The following KCNIP1 variants were observed in gnomAD, a reference collection of about 807,000 sequenced individuals.
KCNIP1 encodes A-type potassium channel modulatory protein KCNIP1.
Under a neutral mutation model 33.0 loss-of-function variants are expected in KCNIP1, and 18 were observed. That is an observed-to-expected ratio of 0.55 (90% CI 0.38 to 0.81). The LOEUF is 0.81. Ranked by LOEUF, KCNIP1 falls within the 30% of genes least tolerant of loss-of-function variation. The pLI is 0.00. For missense variants in KCNIP1, 238 were observed against 271.6 expected, an observed-to-expected ratio of 0.88 and a Z score of 0.87; for synonymous variants, 93 against 98.3, an observed-to-expected ratio of 0.95 and a Z score of 0.32.
chr5:170,706,886 T>C (rs951305234), intron 1 of KCNIP1, among the ~76,000 whole-genome samples: 10 of 152,096 alleles, frequency 6.6e-5, no homozygotes, highest in African/African-American at 2.4e-4. Context: ...CGCAGAAATA[T>C]TGTAGACCCA....
At chr5:170,441,119 T>C (rs997329982) in intron 1 of KCNIP1, among the ~76,000 whole-genome samples, 1 of 152,234 alleles carries the variant, frequency 6.6e-6, no homozygotes, top group African/African-American at 2.4e-5. Flanking sequence ...TTAGTTCCTA[T>C]AACTAAACTT....
At position 170,588,276 on chromosome 5, in the gene KCNIP1, G is replaced by A. The variant is rs144553502; in HGVS notation, c.61+83643G>A. 5.9e-3 allele frequency among the ~76,000 whole-genome samples: 901 copies of A among 152,274 alleles called. 12 individuals are homozygous for A. Among genetic ancestry groups the A allele is most frequent in the Admixed American group, 0.033 (506 of 15,292 alleles). On this transcript the variant is annotated intron_variant, in intron 1 of 7. Transcript: ENST00000328939. The stretch of plus-strand genomic sequence containing the variant: ...AGATGAGGGACCGAGGCACAGAGAG[G>A]TGCAGTCAGTCACCTGAGGCCACAC...
intron 1 of KCNIP1, among the ~76,000 whole-genome samples, chr5:170,656,611 T>C (rs1256407674): frequency 1.3e-5 from 2 of 151,878 alleles, no homozygotes; most frequent in African/African-American, 4.8e-5. Flanking sequence ...AATCTAGAGG[T>C]CATGGGAGCC....
At chr5:170,639,558 G>T (rs1760451651) in intron 1 of KCNIP1, 1 of 152,226 alleles carries the variant, frequency 6.6e-6, no homozygotes. Context: ...TTCATAGAAT[G>T]GAGATGACCA....
intron 1 of KCNIP1, among the ~76,000 whole-genome samples, chr5:170,506,115 TG>T (rs1258350825): frequency 1.3e-5 from 2 of 152,134 alleles, no homozygotes; most frequent in African/African-American, 4.8e-5. Flanking sequence ...CAGGGGACTG[TG>T]GGGACAGGAA....
At chr5:170,595,425 C>T (rs2113565090) in intron 1 of KCNIP1, among the ~76,000 whole-genome samples, 1 of 152,328 alleles carries the variant, frequency 6.6e-6, no homozygotes, top group East Asian at 1.9e-4. Context: ...GAGAAGCCTG[C>T]ATGGGCAGCC....
At chr5:170,614,652 C>A (rs1324818063) in intron 1 of KCNIP1, among the ~76,000 whole-genome samples, 2 of 152,212 alleles carry the variant, frequency 1.3e-5, no homozygotes, top group African/African-American at 4.8e-5. Flanking sequence ...CTTCAGATAA[C>A]CATTTTCTGC....
intron 1 of KCNIP1, among the ~76,000 whole-genome samples, chr5:170,551,798 T>G (rs1371781203): frequency 1.3e-5 from 2 of 151,950 alleles, no homozygotes; most frequent in South Asian, 4.2e-4. Context: ...TATGTTCAAG[T>G]ATGTGTGTGA....
At chr5:170,615,161 G>A (rs922174230) in intron 1 of KCNIP1, among the ~76,000 whole-genome samples, 9 of 152,180 alleles carry the variant, frequency 5.9e-5, no homozygotes, top group African/African-American at 1.4e-4. Flanking sequence ...TTTGCAGTGC[G>A]CCAAGATCGC....
At chr5:170,665,520 A>G (rs1761670953) in intron 1 of KCNIP1, among the ~76,000 whole-genome samples, 1 of 152,228 alleles carries the variant, frequency 6.6e-6, no homozygotes, top group African/African-American at 2.4e-5. Flanking sequence ...GAAAAACTTC[A>G]AAGATAGTAA....
Position 170,722,778 on chromosome 5 carries a change from T to C in KCNIP1, c.393T>C (p.Phe131=), listed in dbSNP as rs571143967. 1 of 1,613,978 alleles carries C rather than the reference T, an allele frequency of 6.2e-7. No individual in the cohort carries two copies. Among genetic ancestry groups the C allele is most frequent in the East Asian group, 2.2e-5 (1 of 44,882 alleles). ...TCCACGAGAAACTAAGGTGGACATT[T>C]AATTTGTATGACATCAACAAGGACG... is the stretch of plus-strand genomic sequence containing the variant. ...GTVHEKLRWT[F]NLYDINKDGY... Residue 131 remains phenylalanine, a synonymous_variant, in exon 5 of 8, where the codon TTT becomes TTC. Coordinates refer to ENST00000328939, the MANE Select transcript of KCNIP1 (RefSeq NM_014592.4).
chr5:170,529,149 G>A (rs1561670033), intron 1 of KCNIP1, among the ~76,000 whole-genome samples: 1 of 152,170 alleles, frequency 6.6e-6, no homozygotes, highest in East Asian at 1.9e-4. Flanking sequence ...CTGAATACAG[G>A]TGCTCAAAGA....
intron 1 of KCNIP1, among the ~76,000 whole-genome samples, chr5:170,516,727 A>T (rs1581262484): frequency 6.6e-6 from 1 of 152,204 alleles, no homozygotes; most frequent in African/African-American, 2.4e-5. Context: ...GTCCTAGCTT[A>T]CCGTTTAGGA....
chr5:170,498,626 G>T (rs1757354899), intron 1 of KCNIP1, among the ~76,000 whole-genome samples: 1 of 152,194 alleles, frequency 6.6e-6, no homozygotes, highest in Non-Finnish European at 1.5e-5. Flanking sequence ...GCCTCTTCTT[G>T]CTCATTATTG....
chr5:170,482,537 T>C (rs1757000033), intron 1 of KCNIP1, among the ~76,000 whole-genome samples: 1 of 152,170 alleles, frequency 6.6e-6, no homozygotes, highest in Admixed American at 6.5e-5. Context: ...ACTGAAGTGA[T>C]TTCTCTAGGA....
At chr5:170,636,451 G>A (rs995908925) in intron 1 of KCNIP1, among the ~76,000 whole-genome samples, 2 of 152,172 alleles carry the variant, frequency 1.3e-5, no homozygotes, top group African/African-American at 4.8e-5. Flanking sequence ...CTGGAACCAG[G>A]AGGCACTATC....
intron 1 of KCNIP1, among the ~76,000 whole-genome samples, chr5:170,509,580 C>T (rs948166978): frequency 6.6e-6 from 1 of 152,122 alleles, no homozygotes; most frequent in Admixed American, 6.5e-5. Context: ...ATGGGGGAAG[C>T]AGTAAAGGAG....
chr5:170,503,724 TCACACACACACA>T (rs70979180), upstream of KCNIP1, among the ~76,000 whole-genome samples: 15,698 of 136,466 alleles, frequency 0.12, 921 homozygotes, highest in Middle Eastern at 0.21. Flanking sequence ...CGCACGCACA[TCACACACACACA>T]CACACACACA....
chr5:170,401,333 A>G (rs941771805), intron 1 of KCNIP1, among the ~76,000 whole-genome samples: 1 of 152,262 alleles, frequency 6.6e-6, no homozygotes, highest in Non-Finnish European at 1.5e-5. Flanking sequence ...CTCAAGGTCT[A>G]CATTTACACT....
Sources: allele counts gnomAD v4.1 joint callset (sites outside exome capture counted in the v4.1 genomes callset), GRCh38; gene constraint gnomAD v4.1.1; transcripts MANE v1.5; gene names NCBI Gene and HGNC (gene_info 2026-07-23, HGNC 2026-07-21).